CSMD3: variants seen among roughly 807,000 people sequenced by gnomAD.
The protein encoded by CSMD3 is CUB and Sushi multiple domains 3, also known as CUB and sushi domain-containing protein 3.
A neutral mutation model predicts 435.2 loss-of-function variants in CSMD3; 177 were observed. The observed-to-expected ratio is 0.41, with a 90% CI of 0.36 to 0.46. The LOEUF (loss-of-function observed/expected upper bound fraction) is 0.46. CSMD3 is among the 20% of genes least tolerant of loss of function. The pLI is 0.34. For synonymous variants in CSMD3, 1,656 were observed against 1,520.5 expected (o/e 1.09, Z -2.07); for missense variants, 4,265 against 4,504.6 (o/e 0.95, Z 1.52).
intron 7 of CSMD3, among the ~76,000 whole-genome samples, chr8:112,971,317 G>A (rs1419121134): frequency 6.6e-6 from 1 of 152,092 alleles, no homozygotes; most frequent in East Asian, 1.9e-4. Flanking sequence ...TATGACACAG[G>A]TGTTCTCAGC....
At chr8:112,483,175 A>G (rs1819795613) in intron 31 of CSMD3, among the ~76,000 whole-genome samples, 1 of 152,192 alleles carries the variant, frequency 6.6e-6, no homozygotes. Context: ...AGTACAACAT[A>G]AAACTCAGCA....
chr8:113,143,253 T>C (rs933915760), intron 4 of CSMD3, among the ~76,000 whole-genome samples: 1 of 150,868 alleles, frequency 6.6e-6, no homozygotes, highest in Non-Finnish European at 1.5e-5. Flanking sequence ...GAAAAGCAAA[T>C]TAAAACCACA....
At chr8:113,284,582 A>C (rs1400677825) in intron 2 of CSMD3, among the ~76,000 whole-genome samples, 3 of 152,118 alleles carry the variant, frequency 2.0e-5, no homozygotes, top group Non-Finnish European at 2.9e-5. Flanking sequence ...TAGTTCGAAA[A>C]CTTATTTTAA....
intron 1 of CSMD3, among the ~76,000 whole-genome samples, chr8:113,317,376 T>C (rs1431934200): frequency 6.6e-6 from 1 of 152,130 alleles, no homozygotes; most frequent in Non-Finnish European, 1.5e-5. Context: ...TTTTATATAC[T>C]CTCAAGCCCC....
chr8:112,917,065 G>A (rs1587664599), intron 10 of CSMD3, among the ~76,000 whole-genome samples: 3 of 151,880 alleles, frequency 2.0e-5, no homozygotes, highest in Admixed American at 2.0e-4. Flanking sequence ...ATAAAGAAAG[G>A]AATTGAACCT....
chr8:112,804,768 A>AAGCG (rs2079043920), intron 12 of CSMD3, among the ~76,000 whole-genome samples: 1 of 151,484 alleles, frequency 6.6e-6, no homozygotes. Context: ...GGGTTCAAGC[A>AAGCG]ATTATCCTGC....
chr8:112,727,157 A>G (rs1196387193), intron 13 of CSMD3, among the ~76,000 whole-genome samples: 1 of 151,904 alleles, frequency 6.6e-6, no homozygotes, highest in Non-Finnish European at 1.5e-5. Context: ...GAATAATTAT[A>G]GAATTTTCCT....
At chr8:112,834,803 T>C (rs2132503111) in intron 11 of CSMD3, among the ~76,000 whole-genome samples, 2 of 151,940 alleles carry the variant, frequency 1.3e-5, no homozygotes, top group South Asian at 4.2e-4. Flanking sequence ...AGGAAAAATA[T>C]TATGCATTTA....
intron 13 of CSMD3, among the ~76,000 whole-genome samples, chr8:112,715,662 G>A (rs1203480026): frequency 6.6e-6 from 1 of 152,160 alleles, no homozygotes; most frequent in Non-Finnish European, 1.5e-5. Context: ...GAACATCGAA[G>A]TGAAACACCT....
At chr8:112,477,879 T>C (rs1213513883) in intron 31 of CSMD3, among the ~76,000 whole-genome samples, 1 of 152,224 alleles carries the variant, frequency 6.6e-6, no homozygotes. Flanking sequence ...GGTTTGGCTG[T>C]GTCCCCAGCC....
At position 112,341,704 on chromosome 8, in the gene CSMD3, CAG is replaced by C; in HGVS notation, c.6443-20_6443-19del. ...ATGTACACCTGAAGAAGAAAACAAA[CAG>C]AATGCTACTTTATTTGCTTTACCGA... On this transcript the variant is annotated intron_variant, in intron 41 of 70. Coordinates refer to ENST00000297405, the MANE Select transcript of CSMD3 (RefSeq NM_198123.2). The C allele has an allele frequency of 7.0e-7, 1 of 1,432,532 alleles. No homozygotes were observed. The highest frequency in any genetic ancestry group is 9.8e-7 in the Non-Finnish European group (1 of 1,016,714). 88.7% of individuals were successfully genotyped at this position (1,432,532 alleles called of 1,614,324 possible). A position where few individuals can be genotyped will look rare whatever the true frequency, so the allele number is the denominator to read the frequency against.
intron 22 of CSMD3, among the ~76,000 whole-genome samples, chr8:112,604,014 A>G (rs551181579): frequency 6.6e-6 from 1 of 152,324 alleles, no homozygotes; most frequent in East Asian, 1.9e-4. Flanking sequence ...TTGAATAAAT[A>G]ATATTAATTT....
At chr8:113,180,933 G>A (rs1355070270) in intron 3 of CSMD3, among the ~76,000 whole-genome samples, 1 of 151,996 alleles carries the variant, frequency 6.6e-6, no homozygotes, top group African/African-American at 2.4e-5. Context: ...GCAAACATGA[G>A]GCCGCATTTG....
At chr8:113,314,080 A>C (rs2132666199) in intron 2 of CSMD3, 1 of 152,380 alleles carries the variant, frequency 6.6e-6, no homozygotes. Context: ...CCCATTTTTG[A>C]CATGAAAGTA....
chr8:112,454,339 G>T (rs1816600402), intron 32 of CSMD3, among the ~76,000 whole-genome samples: 1 of 151,894 alleles, frequency 6.6e-6, no homozygotes, highest in South Asian at 2.1e-4. Flanking sequence ...CTAAAGAATG[G>T]GAAAAAATAT....
intron 32 of CSMD3, among the ~76,000 whole-genome samples, chr8:112,411,408 A>G (rs774993856): frequency 5.9e-5 from 9 of 151,960 alleles, no homozygotes; most frequent in Non-Finnish European, 1.3e-4. Flanking sequence ...CTTATTAAGC[A>G]ATGAGCAAGC....
chr8:113,237,360 A>T (rs772179319), intron 3 of CSMD3, among the ~76,000 whole-genome samples: 5 of 152,194 alleles, frequency 3.3e-5, no homozygotes, highest in Non-Finnish European at 7.3e-5. Context: ...AGAGGACTTG[A>T]AGGGTTCACT....
At chr8:113,014,601 G>A (rs2086382129) in intron 6 of CSMD3, among the ~76,000 whole-genome samples, 1 of 151,970 alleles carries the variant, frequency 6.6e-6, no homozygotes, top group African/African-American at 2.4e-5. Context: ...TCATTTTCAG[G>A]GTATCTTGTA....
intron 6 of CSMD3, among the ~76,000 whole-genome samples, chr8:112,986,368 T>C (rs1310524906): frequency 6.6e-6 from 1 of 152,102 alleles, no homozygotes; most frequent in African/African-American, 2.4e-5. Context: ...ATTAATCCTT[T>C]CAATGTAGGT....
Sources: gnomAD v4.1 joint callset for allele counts (sites outside exome capture counted in the v4.1 genomes callset) on GRCh38, gnomAD v4.1.1 for gene constraint, MANE v1.5 for transcripts, NCBI Gene and HGNC (gene_info 2026-07-23, HGNC 2026-07-21) for gene names.